SMYD3: variants seen among roughly 807,000 people sequenced by gnomAD.
SMYD3 encodes histone-lysine N-methyltransferase SMYD3.
SMYD3 carries 36 observed loss-of-function variants against 57.7 expected under a neutral mutation model. The observed-to-expected ratio is 0.62, with a 90% CI of 0.48 to 0.82. The LOEUF (loss-of-function observed/expected upper bound fraction) is 0.82, where lower values mean the gene tolerates loss of function less well. Among genes scored for constraint, SMYD3 ranks in the 40% least tolerant of loss-of-function variants. The pLI is 0.00. For synonymous variants in SMYD3, 211 were observed against 195.0 expected (o/e 1.08, Z -0.68); for missense variants, 515 against 538.8 (o/e 0.96, Z 0.44).
At chr1:245,800,572 T>C (rs1213158764) in intron 10 of SMYD3, among the ~76,000 whole-genome samples, 1 of 152,206 alleles carries the variant, frequency 6.6e-6, no homozygotes, top group Admixed American at 6.5e-5. Context: ...AACACAGCCC[T>C]GTCATGCAGA....
At chr1:245,934,259 G>C (rs1182566116) in intron 5 of SMYD3, among the ~76,000 whole-genome samples, 2 of 152,202 alleles carry the variant, frequency 1.3e-5, no homozygotes, top group Non-Finnish European at 2.9e-5. Context: ...CTGGAAGGAG[G>C]AAGAGTTGGC....
At chr1:245,978,520 C>T (rs1357181330) in intron 5 of SMYD3, among the ~76,000 whole-genome samples, 1 of 152,138 alleles carries the variant, frequency 6.6e-6, no homozygotes, top group African/African-American at 2.4e-5. Context: ...CTTTCTACTT[C>T]ACGAGTGGGT....
chr1:246,397,243 G>A (rs1159754712), intron 1 of SMYD3, among the ~76,000 whole-genome samples: 1 of 152,124 alleles, frequency 6.6e-6, no homozygotes, highest in African/African-American at 2.4e-5. Context: ...CTGTGTGTGC[G>A]AGGGATCTAG....
chr1:245,857,482 C>T (rs954716150), intron 10 of SMYD3, among the ~76,000 whole-genome samples: 9 of 52,236 alleles, frequency 1.7e-4, no homozygotes, highest in Non-Finnish European at 7.6e-4. Context: ...TGCTCCTCTT[C>T]GCTTACAGCC....
At chr1:245,883,310 C>T (rs2052898259) in intron 8 of SMYD3, among the ~76,000 whole-genome samples, 1 of 152,122 alleles carries the variant, frequency 6.6e-6, no homozygotes, top group East Asian at 1.9e-4. Flanking sequence ...AGACTCCCAG[C>T]ACAAAGACGG....
At chr1:245,785,329 T>G (rs1472822638) in intron 10 of SMYD3, among the ~76,000 whole-genome samples, 1 of 152,158 alleles carries the variant, frequency 6.6e-6, no homozygotes, top group East Asian at 1.9e-4. Flanking sequence ...AATCCTCCAC[T>G]AAAGTAATTT....
At chr1:245,836,744 C>T (rs1025347075) in intron 10 of SMYD3, among the ~76,000 whole-genome samples, 5 of 152,138 alleles carry the variant, frequency 3.3e-5, no homozygotes, top group African/African-American at 1.2e-4. Context: ...CAGCAATGTC[C>T]CGACTCGGTT....
rs963417892 is a variant in SMYD3 at position 245,768,112 on chromosome 1, C to A, written c.1077-3963G>T. Among the ~76,000 whole-genome samples, 13 of 152,232 alleles carry A rather than the reference C, an allele frequency of 8.5e-5. No homozygotes were observed. The South Asian group carries it at 1.2e-3, about 15-fold the overall frequency. The stretch of plus-strand genomic sequence containing the variant: ...AAAAACATACAAGCAAACTACATAA[C>A]AACAAAATCATTCAACAAGGCAGTT... On this transcript the variant is annotated intron_variant, in intron 10 of 11. Transcript: ENST00000490107.
intron 3 of SMYD3, among the ~76,000 whole-genome samples, chr1:246,333,524 G>A (rs1255569111): frequency 2.6e-5 from 4 of 152,110 alleles, no homozygotes; most frequent in African/African-American, 7.2e-5. Flanking sequence ...CTAATATCCA[G>A]AATCTATAAG....
chr1:246,420,671 T>C (rs564354192), intron 1 of SMYD3, among the ~76,000 whole-genome samples: 1 of 152,326 alleles, frequency 6.6e-6, no homozygotes, highest in African/African-American at 2.4e-5. Context: ...CTTTGGCTTG[T>C]TCTAATATAG....
At chr1:246,062,108 A>T (rs957089519) in intron 5 of SMYD3, among the ~76,000 whole-genome samples, 1 of 152,216 alleles carries the variant, frequency 6.6e-6, no homozygotes, top group Non-Finnish European at 1.5e-5. Context: ...CCACAGGTTA[A>T]ATGAAGAGCT....
intron 1 of SMYD3, among the ~76,000 whole-genome samples, chr1:246,457,307 A>G (rs1204661293): frequency 6.6e-6 from 1 of 152,054 alleles, no homozygotes; most frequent in East Asian, 1.9e-4. Flanking sequence ...CTTAGAAAAT[A>G]AGGTCCATGA....
Position 246,478,650 on chromosome 1 carries a change from G to A in SMYD3, c.164+28404C>T, listed in dbSNP as rs2068060133. Among the ~76,000 whole-genome samples the A allele has an allele frequency of 3.4e-5, 4 of 118,746 alleles. 1 individual carries two copies. The highest frequency in any genetic ancestry group is 1.6e-4 in the Admixed American group (2 of 12,896). The allele number at this position is 118,746 out of a possible 152,430, so 77.9% of individuals were successfully genotyped here. A position where few individuals can be genotyped will look rare whatever the true frequency, so the allele number is the denominator to read the frequency against. On this transcript the variant is annotated intron_variant, in intron 1 of 11. Coordinates refer to ENST00000490107, the MANE Select transcript of SMYD3 (RefSeq NM_001167740.2). Reference sequence around the variant, plus strand: ...GCTCATATATGTACATCTGTCCTCCGTCCTGGAGCTGGTACGTAAGTGCTC... The same window carrying A: ...GCTCATATATGTACATCTGTCCTCCATCCTGGAGCTGGTACGTAAGTGCTC...
chr1:245,760,925 C>T (rs2045818308), intron 11 of SMYD3, among the ~76,000 whole-genome samples: 2 of 152,078 alleles, frequency 1.3e-5, no homozygotes, highest in Non-Finnish European at 2.9e-5. Context: ...CGCATTGCCT[C>T]GCTTACTCCT....
chr1:246,459,476 A>G (rs767227599), intron 1 of SMYD3, among the ~76,000 whole-genome samples: 5 of 144,450 alleles, frequency 3.5e-5, no homozygotes, highest in Admixed American at 6.9e-5. Context: ...TATTCTCGCA[A>G]TAAGAGTTCT....
At chr1:246,149,557 T>C (rs1405806201) in intron 5 of SMYD3, among the ~76,000 whole-genome samples, 2 of 152,202 alleles carry the variant, frequency 1.3e-5, no homozygotes, top group East Asian at 1.9e-4. Context: ...TGCTCTATGA[T>C]GGAACTGCAT....
chr1:246,425,743 G>A (rs573448372), intron 1 of SMYD3, among the ~76,000 whole-genome samples: 2 of 152,228 alleles, frequency 1.3e-5, no homozygotes, highest in East Asian at 3.9e-4. Context: ...CTTTACAGGT[G>A]CTTCCTGGGA....
At chr1:246,056,959 G>T (rs1270346500) in intron 5 of SMYD3, among the ~76,000 whole-genome samples, 1 of 152,080 alleles carries the variant, frequency 6.6e-6, no homozygotes, top group Non-Finnish European at 1.5e-5. Context: ...GTGACCTGAC[G>T]TGATCTCCCT....
chr1:245,838,174 A>C (rs1273909415), intron 10 of SMYD3, among the ~76,000 whole-genome samples: 3 of 152,256 alleles, frequency 2.0e-5, no homozygotes, highest in Admixed American at 6.5e-5. Context: ...GTTATTTCAC[A>C]ACTAAAATTG....
Sources: gnomAD v4.1 joint callset for allele counts (sites outside exome capture counted in the v4.1 genomes callset) on GRCh38, gnomAD v4.1.1 for gene constraint, MANE v1.5 for transcripts, NCBI Gene and HGNC (gene_info 2026-07-23, HGNC 2026-07-21) for gene names.